The following TASP1 variants were observed in gnomAD, a reference collection of about 807,000 sequenced individuals.
The protein encoded by TASP1 is threonine aspartase 1.
TASP1 carries 16 observed loss-of-function variants against 56.6 expected under a neutral mutation model. That is an observed-to-expected ratio of 0.28 (90% confidence interval 0.19 to 0.43). The LOEUF is 0.43. TASP1 is among the 20% of genes least tolerant of loss of function. TASP1 has a pLI of 1.00. For synonymous variants in TASP1, 179 were observed against 184.2 expected, an observed-to-expected ratio of 0.97 and a Z score of 0.23; for missense variants, 393 against 511.6, an observed-to-expected ratio of 0.77 and a Z score of 2.24.
At chr20:13,285,077 A>G in the TASP1 span, among the ~76,000 whole-genome samples, 1 of 152,204 alleles carries the variant, frequency 6.6e-6, no homozygotes, top group Non-Finnish European at 1.5e-5. Flanking sequence ...GCCTGAAGCC[A>G]GGATTTCAAG....
chr20:13,199,483 T>C, the TASP1 span, among the ~76,000 whole-genome samples: 48 of 152,164 alleles, frequency 3.2e-4, no homozygotes, highest in East Asian at 8.7e-3. Context: ...CCTCTGGCCC[T>C]CATAAAGCTC....
chr20:13,294,555 G>T, the TASP1 span, among the ~76,000 whole-genome samples: 4 of 152,102 alleles, frequency 2.6e-5, no homozygotes, highest in Non-Finnish European at 5.9e-5. Flanking sequence ...ATGTGGCTAA[G>T]GACACCAGAG....
chr20:13,192,940 G>A, the TASP1 span, among the ~76,000 whole-genome samples: 1 of 152,132 alleles, frequency 6.6e-6, no homozygotes, highest in Non-Finnish European at 1.5e-5. Flanking sequence ...TGACAGCAAT[G>A]TCACAAGGTA....
intron 11 of TASP1, among the ~76,000 whole-genome samples, chr20:13,445,559 G>A (rs1337653154): frequency 2.0e-5 from 3 of 152,124 alleles, no homozygotes; most frequent in Non-Finnish European, 4.4e-5. Flanking sequence ...GGGAGCAAGC[G>A]GGAATGTCCT....
chr20:13,394,007 G>T (rs142571915), intron 13 of TASP1, among the ~76,000 whole-genome samples: 1 of 152,136 alleles, frequency 6.6e-6, no homozygotes, highest in Non-Finnish European at 1.5e-5. Context: ...TTGGACGGGC[G>T]TGGTGGCTCA....
the TASP1 span, among the ~76,000 whole-genome samples, chr20:13,136,628 A>G: frequency 0.71 from 103,493 of 146,300 alleles, 36,661 homozygotes; most frequent in African/African-American, 0.75. Flanking sequence ...TAATATACAT[A>G]TAAAAATTAT....
At chr20:13,312,727 A>G in the TASP1 span, among the ~76,000 whole-genome samples, 1 of 152,062 alleles carries the variant, frequency 6.6e-6, no homozygotes, top group South Asian at 2.1e-4. Context: ...TGAAACACCT[A>G]CTTTGTGCTA....
chr20:13,603,960 C>A (rs1446080738), intron 4 of TASP1, among the ~76,000 whole-genome samples: 1 of 152,156 alleles, frequency 6.6e-6, no homozygotes, highest in Non-Finnish European at 1.5e-5. Flanking sequence ...CACCATCCCC[C>A]AAGTGACATC....
At chr20:13,510,235 C>T (rs1275358349) in intron 10 of TASP1, among the ~76,000 whole-genome samples, 1 of 151,950 alleles carries the variant, frequency 6.6e-6, no homozygotes, top group Non-Finnish European at 1.5e-5. Flanking sequence ...CATATTAGGA[C>T]AGTTACAACA....
intron 9 of TASP1, among the ~76,000 whole-genome samples, chr20:13,530,125 G>A (rs926395142): frequency 3.3e-5 from 5 of 152,172 alleles, no homozygotes; most frequent in African/African-American, 7.2e-5. Context: ...AAGACTCTGC[G>A]ATGCACAAAC....
At chr20:13,515,929 A>C (rs2044512050) in intron 10 of TASP1, among the ~76,000 whole-genome samples, 1 of 152,158 alleles carries the variant, frequency 6.6e-6, no homozygotes, top group Non-Finnish European at 1.5e-5. Context: ...ACAAATATGA[A>C]GCAACCCATT....
intron 11 of TASP1, among the ~76,000 whole-genome samples, chr20:13,466,798 T>C (rs78982584): frequency 0.01 from 1,582 of 152,216 alleles, 28 homozygotes; most frequent in African/African-American, 0.036. Flanking sequence ...GAGACTGAAA[T>C]CAGGACATCA....
At chr20:13,427,680 G>A (rs1382419637) in intron 12 of TASP1, among the ~76,000 whole-genome samples, 1 of 152,068 alleles carries the variant, frequency 6.6e-6, no homozygotes, top group African/African-American at 2.4e-5. Flanking sequence ...CAAACATATG[G>A]GTAATGGGCA....
At chr20:13,138,708 T>C in the TASP1 span, among the ~76,000 whole-genome samples, 2 of 152,200 alleles carry the variant, frequency 1.3e-5, no homozygotes, top group Non-Finnish European at 2.9e-5. Flanking sequence ...ACTTCATGGA[T>C]GGGTGCATGC....
the TASP1 span, among the ~76,000 whole-genome samples, chr20:13,264,648 C>T: frequency 6.6e-6 from 1 of 152,214 alleles, no homozygotes; most frequent in Non-Finnish European, 1.5e-5. Context: ...TATGGCCATC[C>T]ACCTTGGTCA....
chr20:13,608,297 A>T (rs910481543), intron 4 of TASP1, among the ~76,000 whole-genome samples: 4 of 152,126 alleles, frequency 2.6e-5, no homozygotes, highest in Admixed American at 1.3e-4. Flanking sequence ...TCATTTGGGG[A>T]ATTTTTTTTT....
At chr20:13,182,022 T>G in the TASP1 span, among the ~76,000 whole-genome samples, 129 of 152,250 alleles carry the variant, frequency 8.5e-4, no homozygotes, top group African/African-American at 3.0e-3. Context: ...TTCAAGCTCT[T>G]TCCAAAAGCA....
chr20:13,204,084 A>G, the TASP1 span, among the ~76,000 whole-genome samples: 1 of 152,226 alleles, frequency 6.6e-6, no homozygotes, highest in Non-Finnish European at 1.5e-5. Context: ...TATAACTTCA[A>G]TAATATTACT....
the TASP1 span, chr20:13,222,003 A>T: frequency 8.5e-7 from 1 of 1,178,014 alleles, no homozygotes; most frequent in Non-Finnish European, 1.1e-6. Context: ...GGATGCAGGG[A>T]GGCAGGTCCC....
Sources: gnomAD v4.1 joint callset for allele counts (sites outside exome capture counted in the v4.1 genomes callset) on GRCh38, gnomAD v4.1.1 for gene constraint, MANE v1.5 for transcripts, NCBI Gene and HGNC (gene_info 2026-07-23, HGNC 2026-07-21) for gene names.